The following ZNF710 variants were observed in gnomAD, a reference collection of about 807,000 sequenced individuals.
ZNF710 encodes the protein zinc finger protein 710.
Under a neutral mutation model 50.6 loss-of-function variants are expected in ZNF710, and 13 were observed. The ratio of observed to expected loss-of-function variants is 0.26; its 90% CI spans 0.17 to 0.41. The LOEUF (loss-of-function observed/expected upper bound fraction) is 0.41, where lower values mean the gene tolerates loss of function less well. Ranked by LOEUF, ZNF710 falls within the 10% of genes least tolerant of loss-of-function variation. The pLI, the probability that ZNF710 is intolerant of heterozygous loss-of-function variation, is 1.00. For missense variants in ZNF710, 721 were observed against 936.6 expected (o/e 0.77, Z 3.01); for synonymous variants, 383 against 397.0 (o/e 0.96, Z 0.42).
At chr15:90,051,359 C>T (rs750268789) in intron 1 of ZNF710, among the ~76,000 whole-genome samples, 24 of 151,882 alleles carry the variant, frequency 1.6e-4, no homozygotes, top group Non-Finnish European at 2.1e-4. Context: ...GCAGACTAGG[C>T]GCAGTGGTTC....
chr15:90,024,670 C>G (rs986332776), intron 1 of ZNF710, among the ~76,000 whole-genome samples: 1 of 152,260 alleles, frequency 6.6e-6, no homozygotes, highest in Non-Finnish European at 1.5e-5. Context: ...CCCTCTTCCT[C>G]TCATACTTTA....
In ZNF710 at chr15:90,081,608, T is replaced by A. The variant is rs1900723985; in HGVS notation, c.*1779T>A. 6.6e-6 allele frequency: 1 copy of A among 152,400 alleles called. No homozygotes were observed. The highest frequency in any genetic ancestry group is 1.5e-5 in the Non-Finnish European group (1 of 68,232). The allele number at this position is 152,400 out of a possible 1,614,324, so 9.4% of individuals were successfully genotyped here. On this transcript the variant is annotated 3_prime_UTR_variant, in exon 5 of 5. Coordinates refer to ENST00000268154, the MANE Select transcript of ZNF710 (RefSeq NM_198526.4). ...CCCACGACCTCCCAGGTGCCCGCCATGATGACCCTCAGGTGGCAGTGACCC... is the reference window on the plus strand; with the variant it reads ...CCCACGACCTCCCAGGTGCCCGCCAAGATGACCCTCAGGTGGCAGTGACCC...
At chr15:90,025,782 C>G (rs755493302) in intron 1 of ZNF710, 1 of 152,090 alleles carries the variant, frequency 6.6e-6, no homozygotes, top group Non-Finnish European at 1.5e-5. Flanking sequence ...ATGCAGTAAA[C>G]CTCGCCAAAA....
intron 1 of ZNF710, chr15:90,025,091 A>G (rs972572805): frequency 6.6e-6 from 1 of 152,224 alleles, no homozygotes. Flanking sequence ...CAGCCATGAC[A>G]GTAAGCAGGG....
chr15:90,058,747 A>T (rs926487621), intron 1 of ZNF710, among the ~76,000 whole-genome samples: 1 of 151,654 alleles, frequency 6.6e-6, no homozygotes, highest in African/African-American at 2.4e-5. Context: ...ACGTACACAG[A>T]GAGGTCTCTT....
At chr15:89,999,931 A>G (rs1407328352), upstream of ZNF710, among the ~76,000 whole-genome samples, 2 of 151,426 alleles carry the variant, frequency 1.3e-5, no homozygotes, top group Admixed American at 6.6e-5. Flanking sequence ...GAAGGGAAGG[A>G]AGGGAAGAGG....
chr15:90,042,262 C>T (rs1283607020), intron 1 of ZNF710, among the ~76,000 whole-genome samples: 1 of 151,990 alleles, frequency 6.6e-6, no homozygotes, highest in Admixed American at 6.6e-5. Context: ...TTCGGAGGCC[C>T]TCCTGGGGCC....
intron 1 of ZNF710, among the ~76,000 whole-genome samples, chr15:90,052,397 A>G (rs2151508881): frequency 6.6e-6 from 1 of 152,204 alleles, no homozygotes; most frequent in African/African-American, 2.4e-5. Flanking sequence ...TTCTCCTGTC[A>G]TTTCTGATCA....
chr15:90,059,800 G>A lies in ZNF710; in HGVS notation c.-28-7310G>A, dbSNP rs1381906237. Reference sequence around the variant, plus strand: ...TTTCCCTTGAAGCCTCCTGCGAGGAGGACAACAGGGGAAACCAAGAGGCTG... The same window carrying A: ...TTTCCCTTGAAGCCTCCTGCGAGGAAGACAACAGGGGAAACCAAGAGGCTG... On this transcript the variant is annotated intron_variant, in intron 1 of 4. Transcript: ENST00000268154. This position sits in a 1 kb window ranked among gnomAD's most constrained non-coding sequence, Gnocchi z 4.1. Among the ~76,000 whole-genome samples, 1 of 152,218 alleles carries A rather than the reference G, an allele frequency of 6.6e-6. No individual in the cohort carries two copies. Among genetic ancestry groups the A allele is most frequent in the East Asian group, 1.9e-4 (1 of 5,186 alleles).
chr15:90,050,051 G>A lies in ZNF710; in HGVS notation c.-28-17059G>A, dbSNP rs555999728. Reference sequence around the variant, plus strand: ...GCCTCTGATGATAGCCTGTGTGGACGGCCGCATGTGTCTGATGTCTGCGTG... The same window carrying A: ...GCCTCTGATGATAGCCTGTGTGGACAGCCGCATGTGTCTGATGTCTGCGTG... On this transcript the variant is annotated intron_variant, in intron 1 of 4. Transcript: ENST00000268154. Among the ~76,000 whole-genome samples the A allele has an allele frequency of 1.3e-4, 20 of 152,348 alleles. No individual in the cohort carries two copies. In the East Asian group the frequency reaches 2.5e-3, roughly 19 times the overall value.
chr15:90,015,002 C>T (rs1035377933), intron 1 of ZNF710, among the ~76,000 whole-genome samples: 1 of 151,642 alleles, frequency 6.6e-6, no homozygotes, highest in Admixed American at 6.6e-5. Context: ...AAGCGATTCT[C>T]CTGCCTCAGC....
In ZNF710 at chr15:90,068,370, G is replaced by A. The variant is rs377676936; in HGVS notation, c.1233G>A (p.Glu411=). The A allele has an allele frequency of 2.5e-6, 4 of 1,612,542 alleles. No homozygotes were observed. In the African/African-American group the frequency reaches 5.3e-5, roughly 22 times the overall value. The part of the protein sequence containing the change: ...HESGRCHVCV[E]CGLDFSTLTQ... ...GTGGCCGCTGCCATGTCTGCGTCGA[G>A]TGCGGCCTGGACTTCTCCACCCTGA... Residue 411 remains glutamate (E), a synonymous_variant, in exon 2 of 5, where the codon GAG becomes GAA. Coordinates refer to ENST00000268154, the MANE Select transcript of ZNF710 (RefSeq NM_198526.4). This position sits in a 1 kb window ranked among gnomAD's most constrained non-coding sequence, Gnocchi z 5.0.
intron 1 of ZNF710, among the ~76,000 whole-genome samples, chr15:90,028,677 G>A (rs925902598): frequency 2.6e-5 from 4 of 152,166 alleles, no homozygotes; most frequent in Non-Finnish European, 4.4e-5. Context: ...TTCTCTGTGC[G>A]TGAATGCATG....
At chr15:90,074,407 T>A in intron 4 of ZNF710, 117 bp downstream of exon 4, 1 of 1,558,704 alleles carries the variant, frequency 6.4e-7, no homozygotes, top group Non-Finnish European at 8.6e-7. Flanking sequence ...TTCGTTGGGG[T>A]GGGCTCAGGT....
chr15:90,077,618 G>A (rs965907182), intron 4 of ZNF710, among the ~76,000 whole-genome samples: 2 of 152,118 alleles, frequency 1.3e-5, no homozygotes, highest in Admixed American at 6.5e-5. Context: ...ACTGAGGGAA[G>A]AAACAGCCCA....
chr15:90,030,520 G>A (rs1426471262), intron 1 of ZNF710, among the ~76,000 whole-genome samples: 1 of 151,948 alleles, frequency 6.6e-6, no homozygotes, highest in Non-Finnish European at 1.5e-5. Context: ...CAGCTGGCAG[G>A]AGTTGAATGC....
intron 1 of ZNF710, among the ~76,000 whole-genome samples, chr15:90,029,826 G>C (rs1049825830): frequency 2.0e-5 from 3 of 151,490 alleles, no homozygotes; most frequent in African/African-American, 7.3e-5. Context: ...TGTTGGCCAG[G>C]CTGGTCTCAA....
intron 1 of ZNF710, among the ~76,000 whole-genome samples, chr15:90,011,907 T>A (rs1053342765): frequency 1.3e-5 from 2 of 152,218 alleles, no homozygotes; most frequent in Non-Finnish European, 2.9e-5. Flanking sequence ...CTTTCATTGT[T>A]GATATTAAGA....
intron 1 of ZNF710, among the ~76,000 whole-genome samples, chr15:90,036,333 A>G (rs370515366): frequency 7.1e-4 from 103 of 145,110 alleles, no homozygotes; most frequent in African/African-American, 2.6e-3. Flanking sequence ...TTTCTCTTCC[A>G]TTCACTTGGC....
Sources: gnomAD v4.1 joint callset for allele counts (sites outside exome capture counted in the v4.1 genomes callset) on GRCh38, gnomAD v4.1.1 for gene constraint, Gnocchi (gnomAD v3.1) non-coding constraint, MANE v1.5 for transcripts, NCBI Gene and HGNC (gene_info 2026-07-23, HGNC 2026-07-21) for gene names.